Variants in IGFL2 observed in about 807,000 individuals in gnomAD.
The protein encoded by IGFL2 is IGF like family member 2, also known as insulin growth factor-like family member 2.
Under a neutral mutation model 13.9 loss-of-function variants are expected in IGFL2, and 7 were observed. That is an observed-to-expected ratio of 0.51 (90% confidence interval 0.29 to 0.95). The LOEUF (loss-of-function observed/expected upper bound fraction) is 0.95, where lower values mean the gene tolerates loss of function less well. IGFL2 is among the 40% of genes least tolerant of loss of function. The pLI is 0.08. For missense variants in IGFL2, 138 were observed against 147.8 expected (o/e 0.93, Z 0.34); for synonymous variants, 55 against 55.8 (o/e 0.99, Z 0.07).
At chr19:46,202,814 G>A in the IGFL2 span, 1 of 152,338 alleles carries the variant, frequency 6.6e-6, no homozygotes, top group African/African-American at 2.4e-5. Context: ...AGAGGTTGGA[G>A]AAGAGAATGA....
At chr19:46,106,255 T>C in the IGFL2 span, among the ~76,000 whole-genome samples, 175 of 152,176 alleles carry the variant, frequency 1.1e-3, no homozygotes, top group African/African-American at 1.9e-3. Context: ...CTTTTGAGAA[T>C]AGATGTTGGA....
the IGFL2 span, among the ~76,000 whole-genome samples, chr19:46,184,448 G>A: frequency 0.024 from 3,607 of 152,010 alleles, 96 homozygotes; most frequent in East Asian, 0.07. Context: ...GCTCCGGTGT[G>A]TGATGTTCCC....
the IGFL2 span, among the ~76,000 whole-genome samples, chr19:46,134,701 C>T: frequency 2.0e-5 from 3 of 152,194 alleles, no homozygotes; most frequent in Non-Finnish European, 4.4e-5. Flanking sequence ...ACTGATCTGA[C>T]AGGAGGCTAT....
chr19:46,108,126 C>G, the IGFL2 span, among the ~76,000 whole-genome samples: 1 of 152,016 alleles, frequency 6.6e-6, no homozygotes, highest in Non-Finnish European at 1.5e-5. Flanking sequence ...CCTGGCTCAG[C>G]CTGGCGAGGA....
chr19:46,143,679 T>C (rs9304656), upstream of IGFL2, among the ~76,000 whole-genome samples: 92,781 of 152,032 alleles, frequency 0.61, 29,057 homozygotes, highest in Middle Eastern at 0.71. Flanking sequence ...CAGATGGTAT[T>C]GTTGGTAATA....
chr19:46,138,516 G>C (rs972879659), upstream of IGFL2, among the ~76,000 whole-genome samples: 1 of 152,186 alleles, frequency 6.6e-6, no homozygotes, highest in Non-Finnish European at 1.5e-5. Flanking sequence ...GGTGGTGGGG[G>C]AGCATTGATG....
the IGFL2 span, among the ~76,000 whole-genome samples, chr19:46,086,355 C>T: frequency 6.6e-5 from 10 of 151,988 alleles, no homozygotes; most frequent in South Asian, 1.5e-3. Flanking sequence ...GATGGAGTCT[C>T]GCTCTGTCTC....
the IGFL2 span, among the ~76,000 whole-genome samples, chr19:46,094,876 T>C: frequency 6.6e-6 from 1 of 152,260 alleles, no homozygotes; most frequent in East Asian, 1.9e-4. Context: ...TTTTTATGGC[T>C]ACATAGTATT....
the IGFL2 span, among the ~76,000 whole-genome samples, chr19:46,194,517 A>G: frequency 5.3e-5 from 8 of 152,202 alleles, no homozygotes; most frequent in South Asian, 1.5e-3. Context: ...CACCAGGGAC[A>G]ATGCAAGCAA....
At chr19:46,100,967 C>T in the IGFL2 span, among the ~76,000 whole-genome samples, 1 of 152,090 alleles carries the variant, frequency 6.6e-6, no homozygotes, top group African/African-American at 2.4e-5. Context: ...AACAGTCAGG[C>T]CCCTCTTCTG....
At chr19:46,129,310 TGTGTG>T in the IGFL2 span, among the ~76,000 whole-genome samples, 2 of 50,726 alleles carry the variant, frequency 3.9e-5, no homozygotes, top group African/African-American at 1.3e-4. Context: ...TGATCTTTTG[TGTGTG>T]TGTGTGTGTG....
the IGFL2 span, among the ~76,000 whole-genome samples, chr19:46,079,329 C>T: frequency 4.5e-3 from 689 of 152,314 alleles, 7 homozygotes; most frequent in African/African-American, 0.015. Flanking sequence ...CCAGGAGGTG[C>T]GTCAAGTCGC....
chr19:46,111,493 AAG>A, the IGFL2 span: 1 of 152,246 alleles, frequency 6.6e-6, no homozygotes, highest in African/African-American at 2.4e-5. Context: ...AAGAGAATAG[AAG>A]AGTTAAGCAA....
the IGFL2 span, among the ~76,000 whole-genome samples, chr19:46,129,072 G>A: frequency 6.6e-6 from 1 of 152,020 alleles, no homozygotes; most frequent in African/African-American, 2.4e-5. Flanking sequence ...TCCAATCTTG[G>A]GAGTGTATAT....
the IGFL2 span, among the ~76,000 whole-genome samples, chr19:46,089,690 G>A: frequency 6.6e-6 from 1 of 151,282 alleles, no homozygotes; most frequent in Non-Finnish European, 1.5e-5. Context: ...ACTCTCTCAG[G>A]TCTGTAAAGT....
chr19:46,184,429 C>T, the IGFL2 span, among the ~76,000 whole-genome samples: 1 of 150,662 alleles, frequency 6.6e-6, no homozygotes, highest in African/African-American at 2.5e-5. Context: ...AGTCCCCCAC[C>T]CCCGACAGGC....
chr19:46,085,449 T>C, the IGFL2 span, among the ~76,000 whole-genome samples: 2 of 152,196 alleles, frequency 1.3e-5, no homozygotes, highest in African/African-American at 4.8e-5. Flanking sequence ...AGAATAAGAA[T>C]AGCAACCCCT....
chr19:46,163,006 G>A (rs1047207280), downstream of IGFL2, among the ~76,000 whole-genome samples: 1 of 152,218 alleles, frequency 6.6e-6, no homozygotes, highest in Non-Finnish European at 1.5e-5. Context: ...CTGAGGCTTT[G>A]TGTGGGGTCT....
At chr19:46,200,474 CTTTTCT>C in the IGFL2 span, among the ~76,000 whole-genome samples, 1 of 13,888 alleles carries the variant, frequency 7.2e-5, no homozygotes, top group East Asian at 1.1e-3. Flanking sequence ...ACACCTGGCC[CTTTTCT>C]TTTCTTTTCT....
Sources: allele counts gnomAD v4.1 joint callset (sites outside exome capture counted in the v4.1 genomes callset), GRCh38; gene constraint gnomAD v4.1.1; transcripts MANE v1.5; gene names NCBI Gene and HGNC (gene_info 2026-07-23, HGNC 2026-07-21).